The following ABCA13 variants were observed in gnomAD, a reference collection of about 807,000 sequenced individuals.
The protein encoded by ABCA13 is ATP binding cassette subfamily A member 13, also known as ATP-binding cassette sub-family A member 13.
Under a neutral mutation model 478.7 loss-of-function variants are expected in ABCA13, and 476 were observed. The ratio of observed to expected loss-of-function variants is 0.99; its 90% CI spans 0.92 to 1.07. The LOEUF (loss-of-function observed/expected upper bound fraction) is 1.07, where lower values mean the gene tolerates loss of function less well. Among genes scored for constraint, ABCA13 ranks in the 50% least tolerant of loss-of-function variants. ABCA13 has a pLI of 0.00. For synonymous variants in ABCA13, 2,252 were observed against 2,158.9 expected (o/e 1.04, Z -1.20); for missense variants, 6,060 against 5,910.6 (o/e 1.03, Z -0.83).
chr7:48,440,179 A>T (rs1420892822), intron 42 of ABCA13, among the ~76,000 whole-genome samples: 1 of 152,136 alleles, frequency 6.6e-6, no homozygotes, highest in Non-Finnish European at 1.5e-5. Context: ...GTACAACCAG[A>T]TGGATTTTTC....
intron 35 of ABCA13, among the ~76,000 whole-genome samples, chr7:48,377,916 T>C (rs1563152104): frequency 6.6e-6 from 1 of 152,210 alleles, no homozygotes; most frequent in Non-Finnish European, 1.5e-5. Context: ...CAAAGTCTAC[T>C]CTCTGCAATG....
chr7:48,271,824 A>T lies in ABCA13; in HGVS notation c.2158A>T (p.Lys720Ter). ...CACAAAGCACCTTCTAATGATGGAA[A>T]AGAAGTTGCACACCCTTGAGGATGA... ...NFTKHLLMME[K>*]KLHTLEDEQM... The change falls in exon 17 of 62, where the codon AAG (lysine) becomes TAG (stop). Residue 720 changes from lysine (K) to a stop codon, truncating the protein, a stop_gained. Transcript: ENST00000435803. LOFTEE classifies it high-confidence loss of function. 2 of 1,551,130 alleles carry T rather than the reference A, an allele frequency of 1.3e-6. No homozygotes were observed. The highest frequency in any genetic ancestry group is 1.7e-6 in the Non-Finnish European group (2 of 1,147,338).
intron 55 of ABCA13, among the ~76,000 whole-genome samples, chr7:48,554,905 C>A (rs1037256374): frequency 6.6e-6 from 1 of 150,716 alleles, no homozygotes. Context: ...TGAAGGTGTC[C>A]TTGTTGTGTT....
chr7:48,260,535 T>C (rs1338516132), intron 15 of ABCA13, among the ~76,000 whole-genome samples: 1 of 152,058 alleles, frequency 6.6e-6, no homozygotes, highest in African/African-American at 2.4e-5. Flanking sequence ...CTTAATTTTG[T>C]GGGGAATCAG....
intron 58 of ABCA13, among the ~76,000 whole-genome samples, chr7:48,611,308 A>G (rs1482367744): frequency 6.6e-6 from 1 of 152,098 alleles, no homozygotes; most frequent in Non-Finnish European, 1.5e-5. Flanking sequence ...AAACTCCCTT[A>G]TTTTCCCATC....
chr7:48,489,255 G>T lies in ABCA13; in HGVS notation c.13202G>T (p.Gly4401Val), dbSNP rs755315450. 1.2e-6 allele frequency: 2 copies of T among 1,611,660 alleles called. No homozygotes were observed. The highest frequency in any genetic ancestry group is 1.1e-5 in the South Asian group (1 of 90,750). The change falls in exon 48 of 62, where the codon GGT becomes GTT. Residue 4401 changes from glycine (G) to valine (V), a missense_variant. By Grantham distance (109) the Gly-to-Val change is moderately radical. Transcript: ENST00000435803. ...TLAKVWYNQK[G>V]FHSLPSYLNH... The stretch of plus-strand genomic sequence containing the variant: ...TTTTAGGTGTGGTATAATCAGAAGG[G>T]TTTTCATTCCCTACCTTCCTACTTA...
In ABCA13 at chr7:48,352,650, G is replaced by A. The variant is rs371572681; in HGVS notation, c.10688+163G>A. Among the ~76,000 whole-genome samples the A allele has an allele frequency of 9.5e-4, 145 of 152,136 alleles. 3 individuals are homozygous for A. The highest frequency in any genetic ancestry group is 3.3e-3 in the African/African-American group (137 of 41,398). On this transcript the variant is annotated intron_variant, in intron 31 of 61. Coordinates refer to ENST00000435803, the MANE Select transcript of ABCA13 (RefSeq NM_152701.5). ...TAAGGTTCATTTTTTTTATATGCTT[G>A]TACTCTTCAGGTAGAAGAAATATAA...
At chr7:48,563,978 T>G (rs1786755260) in intron 55 of ABCA13, among the ~76,000 whole-genome samples, 1 of 152,138 alleles carries the variant, frequency 6.6e-6, no homozygotes. Context: ...AACTCTTCAG[T>G]ATAAACAATA....
chr7:48,459,278 T>A (rs764516650), intron 43 of ABCA13, among the ~76,000 whole-genome samples: 1 of 152,116 alleles, frequency 6.6e-6, no homozygotes, highest in Non-Finnish European at 1.5e-5. Context: ...AGCAGCTCCA[T>A]ATTGCCCAAG....
intron 39 of ABCA13, among the ~76,000 whole-genome samples, chr7:48,406,260 C>A (rs981450686): frequency 1.3e-5 from 2 of 152,158 alleles, no homozygotes; most frequent in African/African-American, 4.8e-5. Context: ...CACATCTCAA[C>A]TAAATTTCTG....
At chr7:48,413,303 A>G (rs980733240) in intron 41 of ABCA13, among the ~76,000 whole-genome samples, 65 of 152,328 alleles carry the variant, frequency 4.3e-4, no homozygotes, top group African/African-American at 1.5e-3. Context: ...TAGCACGGGA[A>G]CACTGCAGAC....
Position 48,295,763 on chromosome 7 carries a change from T to A in ABCA13, c.9019T>A (p.Ser3007Thr). The change falls in exon 21 of 62, where the codon TCT becomes ACT. Residue 3007 changes from serine (S) to threonine (T), a missense_variant. Physicochemically the swap from Ser to Thr is moderately conservative, Grantham distance 58. This residue lies in a region of ABCA13 where 4,423 missense variants were observed against 4,309.1 expected (regional missense o/e 1.03). Coordinates refer to ENST00000435803, the MANE Select transcript of ABCA13 (RefSeq NM_152701.5). The stretch of plus-strand genomic sequence containing the variant: ...TTGTGAAAGTCTTAGCAAGAATCTT[T>A]CTAGCACCTTGGAGAGCTTCAAGAG... Reference protein sequence around the residue: ...LNCESLSKNLSSTLESFKSSL... With the variant: ...LNCESLSKNLTSTLESFKSSL... 1 of 1,614,056 alleles carries A rather than the reference T, an allele frequency of 6.2e-7. No individual in the cohort carries two copies. The highest frequency in any genetic ancestry group is 8.5e-7 in the Non-Finnish European group (1 of 1,179,906).
intron 59 of ABCA13, among the ~76,000 whole-genome samples, chr7:48,631,453 A>G (rs1794157391): frequency 6.6e-6 from 1 of 152,126 alleles, no homozygotes; most frequent in Non-Finnish European, 1.5e-5. Context: ...GCTAAAGATT[A>G]GATAGTTGTA....
intron 48 of ABCA13, among the ~76,000 whole-genome samples, chr7:48,499,414 A>G (rs916400933): frequency 1.3e-5 from 2 of 152,210 alleles, no homozygotes; most frequent in African/African-American, 4.8e-5. Flanking sequence ...CTAAAGATAT[A>G]CATTTTATAG....
intron 44 of ABCA13, among the ~76,000 whole-genome samples, chr7:48,467,836 A>T (rs906450346): frequency 6.6e-6 from 1 of 152,240 alleles, no homozygotes. Flanking sequence ...ATTTGCGATG[A>T]CATATTTTGC....
At chr7:48,489,824 A>G (rs561271874) in intron 48 of ABCA13, among the ~76,000 whole-genome samples, 1 of 152,326 alleles carries the variant, frequency 6.6e-6, no homozygotes, top group East Asian at 1.9e-4. Context: ...TTATTTTGGT[A>G]AATGGCACAG....
chr7:48,374,345 A>G lies in ABCA13; in HGVS notation c.11134-2A>G. 6.2e-7 allele frequency: 1 copy of G among 1,608,126 alleles called. No homozygotes were observed. The highest frequency in any genetic ancestry group is 8.5e-7 in the Non-Finnish European group (1 of 1,177,532). ...AGTTTTTCTCCATCAATCTGTGGGC[A>G]GTGCCTTCTTTCGACAACCGCCTTT... is the stretch of plus-strand genomic sequence containing the variant. On this transcript the variant is annotated splice_acceptor_variant, in intron 33 of 61. Transcript: ENST00000435803. LOFTEE classifies it high-confidence loss of function.
Position 48,234,144 on chromosome 7 carries a change from T to G in ABCA13, c.890T>G (p.Leu297Arg). ...TEQILNSSAE[L>R]KEIPTDTSLE... is the part of the protein sequence containing the mutation. ...CAGATCCTGAACTCTTCAGCTGAAC[T>G]GAAGGAGGTACACATGCTTGACTGC... is the stretch of plus-strand genomic sequence containing the variant. The change falls in exon 8 of 62, where the codon CTG becomes CGG. Residue 297 changes from leucine (L) to arginine (R), a missense_variant. Around this residue, in one of 3 missense-constraint regions of ABCA13, gnomAD observed 4,423 missense variants for 4,309.1 expected, o/e 1.03. Coordinates refer to ENST00000435803, the MANE Select transcript of ABCA13 (RefSeq NM_152701.5). 6 of 1,613,920 alleles carry G rather than the reference T, an allele frequency of 3.7e-6. No individual in the cohort carries two copies. The highest frequency in any genetic ancestry group is 5.1e-6 in the Non-Finnish European group (6 of 1,179,824).
chr7:48,586,973 C>T (rs886458044), intron 56 of ABCA13, among the ~76,000 whole-genome samples, 181 bp from the exon 57 acceptor site: 6 of 152,154 alleles, frequency 3.9e-5, no homozygotes, highest in Non-Finnish European at 8.8e-5. Context: ...AAACTCCCAC[C>T]TGTTCACTCT....
Sources: allele counts gnomAD v4.1 joint callset (sites outside exome capture counted in the v4.1 genomes callset), GRCh38; gene constraint gnomAD v4.1.1; regional missense constraint gnomAD v4.1.1; transcripts MANE v1.5; gene names NCBI Gene and HGNC (gene_info 2026-07-23, HGNC 2026-07-21).